PTGES: variants seen among roughly 807,000 people sequenced by gnomAD.
The protein encoded by PTGES is MGST1-like 1.
A neutral mutation model predicts 11.8 loss-of-function variants in PTGES; 3 were observed. The ratio of observed to expected loss-of-function variants is 0.25; its 90% confidence interval spans 0.12 to 0.66. The LOEUF (loss-of-function observed/expected upper bound fraction) is 0.66, where lower values mean the gene tolerates loss of function less well. Among genes scored for constraint, PTGES ranks in the 30% least tolerant of loss-of-function variants. PTGES has a pLI of 0.82. For missense variants in PTGES, 180 were observed against 213.0 expected (o/e 0.85, Z 0.96); for synonymous variants, 94 against 90.4 (o/e 1.04, Z -0.22).
Position 129,745,558 on chromosome 9 carries a change from T to A in PTGES, c.209+3097A>T, listed in dbSNP as rs1833041256. 6.6e-6 allele frequency among the ~76,000 whole-genome samples: 1 copy of A among 152,148 alleles called. No individual in the cohort carries two copies. The highest frequency in any genetic ancestry group is 2.1e-4 in the South Asian group (1 of 4,826). ...CAAGTTTCCATGAGGTTCTGTGAAATCAGGTGGCAGAGGAGGGGCCCAGGG... is the reference window on the plus strand; with the variant it reads ...CAAGTTTCCATGAGGTTCTGTGAAAACAGGTGGCAGAGGAGGGGCCCAGGG... On this transcript the variant is annotated intron_variant, in intron 2 of 2. Transcript: ENST00000340607. This position sits in a 1 kb window ranked among gnomAD's most constrained non-coding sequence, Gnocchi z 4.2.
At position 129,752,999 on chromosome 9, in the gene PTGES, C is replaced by A; in HGVS notation, c.14G>T (p.Ser5Ile). The A allele has an allele frequency of 6.2e-7, 1 of 1,606,596 alleles. No individual in the cohort carries two copies. The highest frequency in any genetic ancestry group is 8.5e-7 in the Non-Finnish European group (1 of 1,179,808). MPAH[S>I]LVMSSPALPA... The stretch of plus-strand genomic sequence containing the variant: ...GAGGGCCGGGCTGCTCATCACCAGG[C>A]TGTGGGCAGGCATCTCTGGCCAGCG... Residue 5 changes from serine to isoleucine, a missense_variant, in exon 1 of 3, where the codon AGC becomes ATC. Ser to Ile is a moderately radical substitution (Grantham distance 142). Transcript: ENST00000340607.
Position 129,752,785 on chromosome 9 carries a change from T to G in PTGES, c.126+102A>C, listed in dbSNP as rs959435462. The G allele has an allele frequency of 1.4e-5, 22 of 1,577,114 alleles. No individual in the cohort carries two copies. In the African/African-American group the frequency reaches 2.7e-4, roughly 19 times the overall value. On this transcript the variant is annotated intron_variant, in intron 1 of 2. Transcript: ENST00000340607. ...GGAAGAGGTGCTCACCTCCCAGCCC[T>G]GCACACACCTTGGCCATGTTTCCCT...
chr9:129,743,030 C>T (rs970951915), intron 2 of PTGES, among the ~76,000 whole-genome samples: 1 of 152,218 alleles, frequency 6.6e-6, no homozygotes. Context: ...TCATGGCAGA[C>T]GTGGATCCTG....
chr9:129,752,106 G>C (rs137872903), intron 1 of PTGES, among the ~76,000 whole-genome samples: 1 of 152,236 alleles, frequency 6.6e-6, no homozygotes, highest in Non-Finnish European at 1.5e-5. Context: ...CCCGCATGCA[G>C]TGCCAGAGCC....
chr9:129,752,962 C>G lies in PTGES; in HGVS notation c.51G>C (p.Leu17=). 6.2e-7 allele frequency: 1 copy of G among 1,612,228 alleles called. No individual in the cohort carries two copies. Among genetic ancestry groups the G allele is most frequent in the Non-Finnish European group, 8.5e-7 (1 of 1,180,028 alleles). ...VMSSPALPAF[L]LCSTLLVIKM... ...TGATGACCAGCAGCGTGCTGCAGAG[C>G]AGGAAGGCCGGGAGGGCCGGGCTGC... Residue 17 remains leucine, a synonymous_variant, in exon 1 of 3, where the codon CTG becomes CTC. Coordinates refer to ENST00000340607, the MANE Select transcript of PTGES (RefSeq NM_004878.5).
chr9:129,747,001 C>T (rs1289840961), intron 2 of PTGES, among the ~76,000 whole-genome samples: 1 of 152,224 alleles, frequency 6.6e-6, no homozygotes, highest in Non-Finnish European at 1.5e-5. Context: ...CAACCTCCGC[C>T]TCCTGGGTTC....
intron 2 of PTGES, among the ~76,000 whole-genome samples, chr9:129,748,048 G>A (rs1311678052): frequency 1.4e-5 from 2 of 147,400 alleles, no homozygotes; most frequent in African/African-American, 2.5e-5. Context: ...AGGTATTGAG[G>A]CCTTCTGTTC....
Position 129,739,393 on chromosome 9 carries a change from G to A in PTGES, c.*218C>T, listed in dbSNP as rs200989054. 4.9e-5 allele frequency: 30 copies of A among 609,572 alleles called. No homozygotes were observed. Among genetic ancestry groups the A allele is most frequent in the Middle Eastern group, 4.5e-4 (1 of 2,218 alleles). The allele number at this position is 609,572 out of a possible 1,614,324, so 37.8% of individuals were successfully genotyped here. A position where few individuals can be genotyped will look rare whatever the true frequency, so the allele number is the denominator to read the frequency against. ...TGAAATGGTTCCCATCAGCCACTTC[G>A]TGCAGGAATCCAAGGGGCTAAGAAA... is the stretch of plus-strand genomic sequence containing the variant. On this transcript the variant is annotated 3_prime_UTR_variant, in exon 3 of 3. Transcript: ENST00000340607. The surrounding 1 kb of genome is among the most constrained non-coding windows in gnomAD (Gnocchi z 5.7).
At chr9:129,744,303 T>G (rs187295210) in intron 2 of PTGES, among the ~76,000 whole-genome samples, 274 of 152,268 alleles carry the variant, frequency 1.8e-3, no homozygotes, top group Non-Finnish European at 3.2e-3. Flanking sequence ...AAGCACGTTA[T>G]GGGGCTGGGT....
At chr9:129,751,504 C>A (rs976512675) in intron 1 of PTGES, among the ~76,000 whole-genome samples, 2 of 152,120 alleles carry the variant, frequency 1.3e-5, no homozygotes, top group Admixed American at 6.5e-5. Flanking sequence ...CATGGTGAAA[C>A]CCCATCTCTA....
In PTGES at chr9:129,748,731, C is replaced by T; in HGVS notation, c.133G>A (p.Ala45Thr). The T allele has an allele frequency of 6.3e-7, 1 of 1,591,744 alleles. No homozygotes were observed. The change falls in exon 2 of 3, where the codon GCC becomes ACC. Residue 45 changes from alanine (A) to threonine (T), a missense_variant. Transcript: ENST00000340607. ...TGTCTCAGGGCATCCTCGGGGTTGG[C>T]AAAGGCCTGAAATATACCAGTTGAG... The part of the protein sequence containing the change: ...GQVRLRKKAF[A>T]NPEDALRHGG...
At chr9:129,747,778 G>A (rs1032456420) in intron 2 of PTGES, among the ~76,000 whole-genome samples, 3 of 152,006 alleles carry the variant, frequency 2.0e-5, no homozygotes, top group Non-Finnish European at 2.9e-5. Context: ...GGGAGGCCGA[G>A]GCGGACAGAT....
At chr9:129,742,938 C>T (rs2130950854) in intron 2 of PTGES, among the ~76,000 whole-genome samples, 1 of 151,988 alleles carries the variant, frequency 6.6e-6, no homozygotes, top group South Asian at 2.1e-4. Flanking sequence ...AGATAGTTCA[C>T]AAACATAGCC....
In PTGES at chr9:129,745,557, A is replaced by C. The variant is rs541756431; in HGVS notation, c.209+3098T>G. Among the ~76,000 whole-genome samples the C allele has an allele frequency of 7.9e-4, 121 of 152,274 alleles. No homozygotes were observed. Among genetic ancestry groups the C allele is most frequent in the African/African-American group, 2.9e-3 (121 of 41,546 alleles). ...TCAAGTTTCCATGAGGTTCTGTGAA[A>C]TCAGGTGGCAGAGGAGGGGCCCAGG... is the stretch of plus-strand genomic sequence containing the variant. On this transcript the variant is annotated intron_variant, in intron 2 of 2. Transcript: ENST00000340607. The surrounding 1 kb of genome is among the most constrained non-coding windows in gnomAD (Gnocchi z 4.2).
intron 1 of PTGES, among the ~76,000 whole-genome samples, chr9:129,751,341 A>AT (rs1264833655): frequency 1.0e-4 from 14 of 137,288 alleles, no homozygotes; most frequent in Non-Finnish European, 2.0e-4. Context: ...ATAAATAATA[A>AT]TTAAAAAAAA....
At position 129,738,410 on chromosome 9, in the gene PTGES, AACACACACACACACACACACAC is replaced by A. The variant is rs71385459; in HGVS notation, c.*1179_*1200del. ...ATCTCAGGTCACGGGTCTAGGAGAAAACACACACACACACACACACACACACACACACACACACACACACACA... is the reference window on the plus strand; with the variant it reads ...ATCTCAGGTCACGGGTCTAGGAGAAAACACACACACACACACACACACACA... On this transcript the variant is annotated 3_prime_UTR_variant, in exon 3 of 3. Transcript: ENST00000340607. The surrounding 1 kb of genome is among the most constrained non-coding windows in gnomAD (Gnocchi z 4.2). 9.4e-5 allele frequency: 13 copies of A among 138,412 alleles called. No individual in the cohort carries two copies. Among genetic ancestry groups the A allele is most frequent in the Admixed American group, 1.4e-4 (2 of 13,918 alleles). 8.6% of individuals were successfully genotyped at this position (138,412 alleles called of 1,614,324 possible). A position where few individuals can be genotyped will look rare whatever the true frequency, so the allele number is the denominator to read the frequency against.
rs71497492 is a variant in PTGES, at chr9:129,748,009, C to CAA, written c.209+644_209+645dup. 6.2e-3 allele frequency among the ~76,000 whole-genome samples: 145 copies of CAA among 23,410 alleles called. 15 individuals are homozygous for CAA. The highest frequency in any genetic ancestry group is 0.018 in the African/African-American group (120 of 6,684). The allele number at this position is 23,410 out of a possible 152,430, so 15.4% of individuals were successfully genotyped here. A position where few individuals can be genotyped will look rare whatever the true frequency, so the allele number is the denominator to read the frequency against. Reference sequence around the variant, plus strand: ...TGGGCAACAGAGTGAGACTCTGTCTCAAAAAAAAAAAAAAAAAAAAAAAAA... The same window carrying CAA: ...TGGGCAACAGAGTGAGACTCTGTCTCAAAAAAAAAAAAAAAAAAAAAAAAAAA... On this transcript the variant is annotated intron_variant, in intron 2 of 2. Transcript: ENST00000340607.
intron 1 of PTGES, among the ~76,000 whole-genome samples, chr9:129,749,120 G>C (rs549507987): frequency 6.6e-6 from 1 of 152,234 alleles, no homozygotes; most frequent in South Asian, 2.1e-4. Flanking sequence ...GGCTGGATGA[G>C]GTGGCTCACA....
At chr9:129,746,922 G>GT (rs1464396006) in intron 2 of PTGES, among the ~76,000 whole-genome samples, 3 of 152,022 alleles carry the variant, frequency 2.0e-5, no homozygotes, top group African/African-American at 7.2e-5. Flanking sequence ...AGGATCTTTT[G>GT]TTTTTTTTGA....
Sources: gnomAD v4.1 joint callset for allele counts (sites outside exome capture counted in the v4.1 genomes callset) on GRCh38, gnomAD v4.1.1 for gene constraint, Gnocchi (gnomAD v3.1) non-coding constraint, MANE v1.5 for transcripts, NCBI Gene and HGNC (gene_info 2026-07-23, HGNC 2026-07-21) for gene names.